Variants in IQCH observed in about 807,000 individuals in gnomAD.
IQCH encodes IQ domain-containing protein H.
IQCH carries 98 observed loss-of-function variants against 117.0 expected under a neutral mutation model. The ratio of observed to expected loss-of-function variants is 0.84; its 90% confidence interval spans 0.71 to 0.99. The LOEUF (loss-of-function observed/expected upper bound fraction) is 0.99, where lower values mean the gene tolerates loss of function less well. IQCH is among the 50% of genes least tolerant of loss of function. The pLI is 0.00. For synonymous variants in IQCH, 412 were observed against 448.2 expected, an observed-to-expected ratio of 0.92 and a Z score of 1.02; for missense variants, 1,102 against 1,243.8, an observed-to-expected ratio of 0.89 and a Z score of 1.72.
At chr15:67,373,588 C>T in intron 10 of IQCH, 155 bp downstream of exon 10, 4 of 685,118 alleles carry the variant, frequency 5.8e-6, no homozygotes, top group East Asian at 2.7e-5. Flanking sequence ...ACAGGACCCT[C>T]GCTTGAAACG....
chr15:67,353,362 ATT>A (rs113593879), intron 6 of IQCH, among the ~76,000 whole-genome samples: 1 of 148,480 alleles, frequency 6.7e-6, no homozygotes, highest in Non-Finnish European at 1.5e-5. Context: ...ATATTTATTT[ATT>A]TTTTTTTTTT....
rs918734287 is a variant in IQCH, at chr15:67,384,664, G to C, written c.1373-272G>C. On this transcript the variant is annotated intron_variant, in intron 10 of 20. Transcript: ENST00000335894. This position sits in a 1 kb window ranked among gnomAD's most constrained non-coding sequence, Gnocchi z 4.3. ...ATTGCATGTCAGAAATTTTCTCCATGTTTTGTCATCTTGATTCTTAGCAGC... is the reference window on the plus strand; with the variant it reads ...ATTGCATGTCAGAAATTTTCTCCATCTTTTGTCATCTTGATTCTTAGCAGC... Among the ~76,000 whole-genome samples, 1 of 151,768 alleles carries C rather than the reference G, an allele frequency of 6.6e-6. No homozygotes were observed. Among genetic ancestry groups the C allele is most frequent in the Non-Finnish European group, 1.5e-5 (1 of 67,922 alleles).
Position 67,459,166 on chromosome 15 carries a change from AT to A in IQCH, c.2506-5960del, listed in dbSNP as rs2082729709. On this transcript the variant is annotated intron_variant, in intron 16 of 20. Coordinates refer to ENST00000335894, the MANE Select transcript of IQCH (RefSeq NM_001031715.3). The surrounding 1 kb of genome is among the most constrained non-coding windows in gnomAD (Gnocchi z 4.2). Reference sequence around the variant, plus strand: ...AGCTGGGGCCTTTAGTGGGTCATTTATCCTGTCTGAAATCTCTGGTTCTTCT... The same window carrying A: ...AGCTGGGGCCTTTAGTGGGTCATTTACCTGTCTGAAATCTCTGGTTCTTCT... 6.6e-6 allele frequency among the ~76,000 whole-genome samples: 1 copy of A among 152,160 alleles called. No homozygotes were observed. Among genetic ancestry groups the A allele is most frequent in the Admixed American group, 6.5e-5 (1 of 15,284 alleles).
intron 4 of IQCH, among the ~76,000 whole-genome samples, chr15:67,310,627 T>TAA (rs1287961036): frequency 6.6e-6 from 1 of 152,116 alleles, no homozygotes; most frequent in African/African-American, 2.4e-5. Flanking sequence ...ACAATTACAA[T>TAA]AATATAGCCA....
Position 67,490,574 on chromosome 15 carries a change from A to G in IQCH, c.2861+510A>G, listed in dbSNP as rs1349108972. 6.6e-6 allele frequency among the ~76,000 whole-genome samples: 1 copy of G among 152,214 alleles called. No individual in the cohort carries two copies. Among genetic ancestry groups the G allele is most frequent in the Non-Finnish European group, 1.5e-5 (1 of 68,034 alleles). ...AAATATAATTGATTAATTACCTAAA[A>G]TTAATGGGTAAGATTTAGATTTAAC... On this transcript the variant is annotated intron_variant, in intron 19 of 20. Transcript: ENST00000335894. This position sits in a 1 kb window ranked among gnomAD's most constrained non-coding sequence, Gnocchi z 4.9.
intron 15 of IQCH, among the ~76,000 whole-genome samples, chr15:67,419,911 T>C (rs903469829): frequency 2.0e-5 from 3 of 152,252 alleles, no homozygotes; most frequent in African/African-American, 7.2e-5. Context: ...TTGTAAGTTA[T>C]GAATGATAGT....
intron 5 of IQCH, among the ~76,000 whole-genome samples, chr15:67,340,627 CAG>C (rs1488049179): frequency 6.6e-6 from 1 of 152,050 alleles, no homozygotes; most frequent in African/African-American, 2.4e-5. Context: ...GAGACTCAAT[CAG>C]AGTTTCTGAA....
chr15:67,498,876 T>G (rs535988765), intron 20 of IQCH, among the ~76,000 whole-genome samples: 1 of 152,092 alleles, frequency 6.6e-6, no homozygotes, highest in Non-Finnish European at 1.5e-5. Flanking sequence ...TATTTGCAAA[T>G]CATATATCTG....
chr15:67,497,692 A>G (rs2083859426), intron 20 of IQCH, among the ~76,000 whole-genome samples: 1 of 151,954 alleles, frequency 6.6e-6, no homozygotes, highest in South Asian at 2.1e-4. Context: ...ATGGAGTTTC[A>G]TGTTGGTCAG....
intron 14 of IQCH, among the ~76,000 whole-genome samples, chr15:67,400,726 T>A (rs981492874): frequency 6.6e-5 from 10 of 151,874 alleles, no homozygotes; most frequent in Non-Finnish European, 1.3e-4. Flanking sequence ...CTCGAACTCC[T>A]GAGCTCAAAC....
rs1971924807 is a variant in IQCH, at chr15:67,406,782, C to T, written c.2097+6477C>T. ...AAATTACTTCAGCTCTCCAAGTCTC[C>T]CTTTCTCTATCTGTAAAGAGAGATT... On this transcript the variant is annotated intron_variant, in intron 14 of 20. Transcript: ENST00000335894. The surrounding 1 kb of genome is among the most constrained non-coding windows in gnomAD (Gnocchi z 4.5). 1.3e-5 allele frequency: 2 copies of T among 152,090 alleles called. No individual in the cohort carries two copies. Among genetic ancestry groups the T allele is most frequent in the Non-Finnish European group, 2.9e-5 (2 of 68,010 alleles). The allele number at this position is 152,090 out of a possible 1,614,324, so 9.4% of individuals were successfully genotyped here.
At chr15:67,307,666 A>G (rs1295642590) in intron 4 of IQCH, among the ~76,000 whole-genome samples, 2 of 152,150 alleles carry the variant, frequency 1.3e-5, no homozygotes, top group Admixed American at 1.3e-4. Flanking sequence ...AGTAATTCAG[A>G]ATGAGCTTGT....
At chr15:67,254,986 C>G (rs367561206) in intron 1 of IQCH, 39 bp downstream of exon 1, 26 of 1,594,090 alleles carry the variant, frequency 1.6e-5, no homozygotes, top group Non-Finnish European at 2.1e-5. Context: ...CCTGCCCAGC[C>G]GCGCCACTTC....
intron 10 of IQCH, among the ~76,000 whole-genome samples, chr15:67,383,214 T>G (rs534509505): frequency 7.2e-5 from 11 of 152,350 alleles, no homozygotes; most frequent in African/African-American, 2.4e-4. Context: ...TTTTCATGTC[T>G]GTAACTGCAT....
At position 67,390,738 on chromosome 15, in the gene IQCH, C is replaced by T. The variant is rs1281797087; in HGVS notation, c.1632+1732C>T. 6.6e-6 allele frequency among the ~76,000 whole-genome samples: 1 copy of T among 152,218 alleles called. No homozygotes were observed. The highest frequency in any genetic ancestry group is 1.5e-5 in the Non-Finnish European group (1 of 68,038). On this transcript the variant is annotated intron_variant, in intron 12 of 20. Coordinates refer to ENST00000335894, the MANE Select transcript of IQCH (RefSeq NM_001031715.3). This position sits in a 1 kb window ranked among gnomAD's most constrained non-coding sequence, Gnocchi z 5.0. ...TCCTGACCTCAAGTGATCCGCCTGC[C>T]TTGGCCTCCCAAAGTGCTGGGGTTA...
intron 4 of IQCH, among the ~76,000 whole-genome samples, chr15:67,328,823 T>C (rs1012964576): frequency 1.8e-4 from 27 of 152,122 alleles, no homozygotes; most frequent in African/African-American, 6.3e-4. Context: ...TATATAAAGT[T>C]TGAAAACAAA....
intron 4 of IQCH, among the ~76,000 whole-genome samples, chr15:67,285,884 T>C (rs1338511133): frequency 6.6e-6 from 1 of 152,192 alleles, no homozygotes; most frequent in East Asian, 1.9e-4. Context: ...CTTCCAGTTT[T>C]ATCCTCTTTG....
At chr15:67,358,505 A>G (rs1247784285) in intron 7 of IQCH, among the ~76,000 whole-genome samples, 1 of 152,068 alleles carries the variant, frequency 6.6e-6, no homozygotes, top group Non-Finnish European at 1.5e-5. Context: ...CAAATTCTGT[A>G]TTCTTTAACA....
intron 6 of IQCH, among the ~76,000 whole-genome samples, chr15:67,353,248 A>G (rs781211971): frequency 5.7e-4 from 86 of 151,756 alleles, no homozygotes; most frequent in Non-Finnish European, 1.0e-3. Flanking sequence ...GTAAACTGGG[A>G]AAAAAAATGA....
Sources: allele counts gnomAD v4.1 joint callset (sites outside exome capture counted in the v4.1 genomes callset), GRCh38; gene constraint gnomAD v4.1.1; non-coding constraint Gnocchi (gnomAD v3.1); transcripts MANE v1.5; gene names NCBI Gene and HGNC (gene_info 2026-07-23, HGNC 2026-07-21).